Variants in LSAMP observed in about 807,000 individuals in gnomAD.
LSAMP encodes the protein limbic system-associated membrane protein.
LSAMP carries 7 observed loss-of-function variants against 38.6 expected under a neutral mutation model. The observed-to-expected ratio is 0.18, with a 90% CI of 0.10 to 0.34. LSAMP has a LOEUF of 0.34. Ranked by LOEUF, LSAMP falls within the 10% of genes least tolerant of loss-of-function variation. The probability of loss-of-function intolerance (pLI) is 1.00; values close to 1 mark genes in which losing one functional copy is unlikely to be tolerated. For synonymous variants in LSAMP, 154 were observed against 166.8 expected (o/e 0.92, Z 0.59); for missense variants, 313 against 420.0 (o/e 0.75, Z 2.23).
chr3:116,398,403 A>G (rs946848166), intron 1 of LSAMP, among the ~76,000 whole-genome samples: 2 of 152,230 alleles, frequency 1.3e-5, no homozygotes, highest in Admixed American at 1.3e-4. Context: ...TCCCCAGTCC[A>G]TAGGAGAGTA....
intron 1 of LSAMP, among the ~76,000 whole-genome samples, chr3:116,323,036 T>C (rs1185066912): frequency 6.6e-6 from 1 of 152,158 alleles, no homozygotes; most frequent in Non-Finnish European, 1.5e-5. Flanking sequence ...CAGGTTAAAA[T>C]CTGGTACTTG....
At chr3:116,162,694 C>A (rs7625990) in intron 1 of LSAMP, among the ~76,000 whole-genome samples, 48,160 of 131,424 alleles carry the variant, frequency 0.37, 8,506 homozygotes, top group African/African-American at 0.53. Context: ...CTCTCTCTCT[C>A]TATATATATA....
At chr3:115,994,032 G>T (rs1021921486) in intron 3 of LSAMP, among the ~76,000 whole-genome samples, 3 of 151,952 alleles carry the variant, frequency 2.0e-5, no homozygotes, top group Non-Finnish European at 4.4e-5. Flanking sequence ...AAGAAACTTT[G>T]GTGTTTGTTT....
chr3:116,132,247 A>G (rs1709150970), intron 1 of LSAMP, among the ~76,000 whole-genome samples: 1 of 152,112 alleles, frequency 6.6e-6, no homozygotes, highest in South Asian at 2.1e-4. Flanking sequence ...TCAAAAAAAA[A>G]AAAAAAGTCT....
intron 3 of LSAMP, among the ~76,000 whole-genome samples, chr3:115,945,153 G>T (rs573370851): frequency 6.6e-6 from 1 of 151,910 alleles, no homozygotes; most frequent in East Asian, 1.9e-4. Context: ...ATAAACTTTC[G>T]AATTACGGCT....
At position 116,071,443 on chromosome 3, in the gene LSAMP, C is replaced by A. The variant is rs184654617; in HGVS notation, c.388+14881G>T. On this transcript the variant is annotated intron_variant, in intron 2 of 6. Coordinates refer to ENST00000490035, the MANE Select transcript of LSAMP (RefSeq NM_002338.5). ...TAAATTTCTACCTGTAAAGCCAACA[C>A]CCTTCTCCCCAAAAAACTGTAAAAA... is the stretch of plus-strand genomic sequence containing the variant. 1.6e-3 allele frequency among the ~76,000 whole-genome samples: 250 copies of A among 151,710 alleles called. 3 individuals are homozygous for A. Among genetic ancestry groups the A allele is most frequent in the African/African-American group, 5.6e-3 (230 of 41,400 alleles).
intron 1 of LSAMP, among the ~76,000 whole-genome samples, chr3:116,339,631 A>G (rs2047966838): frequency 2.0e-5 from 3 of 151,950 alleles, no homozygotes; most frequent in African/African-American, 7.2e-5. Context: ...ATACTCGGTG[A>G]TTTCCAAGGC....
chr3:116,046,223 G>A (rs1351311430), intron 2 of LSAMP, among the ~76,000 whole-genome samples: 1 of 152,150 alleles, frequency 6.6e-6, no homozygotes, highest in Non-Finnish European at 1.5e-5. Flanking sequence ...TTGCCTTTGG[G>A]TTGAGGCAGC....
intron 1 of LSAMP, among the ~76,000 whole-genome samples, chr3:116,410,268 C>A: frequency 6.6e-6 from 1 of 151,886 alleles, no homozygotes; most frequent in East Asian, 1.9e-4. Context: ...GATTCTTGAC[C>A]TCACTAAATA....
At chr3:116,433,453 A>G (rs2049307954) in intron 1 of LSAMP, among the ~76,000 whole-genome samples, 1 of 152,180 alleles carries the variant, frequency 6.6e-6, no homozygotes, top group Admixed American at 6.5e-5. Context: ...TCACATAAAT[A>G]ATACCCTTGT....
intron 1 of LSAMP, among the ~76,000 whole-genome samples, chr3:116,287,437 A>G (rs2047209369): frequency 6.6e-6 from 1 of 152,180 alleles, no homozygotes; most frequent in Non-Finnish European, 1.5e-5. Context: ...GCTCTCATAC[A>G]GTAATGATGA....
chr3:116,431,170 C>G (rs1407600049), intron 1 of LSAMP, among the ~76,000 whole-genome samples: 1 of 151,822 alleles, frequency 6.6e-6, no homozygotes, highest in Non-Finnish European at 1.5e-5. Flanking sequence ...AGAGAGACCT[C>G]TATCACTATC....
At chr3:116,294,780 A>C (rs1326508882) in intron 1 of LSAMP, among the ~76,000 whole-genome samples, 1 of 152,214 alleles carries the variant, frequency 6.6e-6, no homozygotes, top group Non-Finnish European at 1.5e-5. Context: ...TTAACATGAA[A>C]TAACATAGGT....
intron 1 of LSAMP, among the ~76,000 whole-genome samples, chr3:116,381,536 C>G (rs184647794): frequency 1.3e-5 from 2 of 151,934 alleles, no homozygotes; most frequent in Non-Finnish European, 2.9e-5. Context: ...CTTAAAATGA[C>G]AAGAGAAAAA....
At chr3:115,844,843 G>T (rs1935104997) in intron 4 of LSAMP, among the ~76,000 whole-genome samples, 1 of 152,110 alleles carries the variant, frequency 6.6e-6, no homozygotes, top group Non-Finnish European at 1.5e-5. Flanking sequence ...CGGGTGTGGT[G>T]GTGTGTACCT....
intron 1 of LSAMP, among the ~76,000 whole-genome samples, chr3:116,183,691 C>T (rs1295192513): frequency 3.3e-5 from 5 of 151,842 alleles, no homozygotes; most frequent in African/African-American, 9.6e-5. Flanking sequence ...ATATAGGGGT[C>T]ATCTTTATAT....
rs113676277 is a variant in LSAMP, at chr3:116,167,080, T to C, written c.156-80524A>G. ...TGCTGGGATTACAGGCGTGAGCCGC[T>C]GCGCCTGGCCCTAAAATTTTTAATT... On this transcript the variant is annotated intron_variant, in intron 1 of 6. Coordinates refer to ENST00000490035, the MANE Select transcript of LSAMP (RefSeq NM_002338.5). Among the ~76,000 whole-genome samples, 1,137 of 152,232 alleles carry C rather than the reference T, an allele frequency of 7.5e-3. 9 individuals carry two copies. The highest frequency in any genetic ancestry group is 0.025 in the African/African-American group (1,025 of 41,558).
chr3:115,875,272 C>G (rs1936152556), intron 3 of LSAMP, among the ~76,000 whole-genome samples: 1 of 152,124 alleles, frequency 6.6e-6, no homozygotes, highest in Admixed American at 6.5e-5. Flanking sequence ...CAAATATATT[C>G]TTTAACTTCA....
rs778464726 is a variant in LSAMP, at chr3:116,349,922, T to C, written c.155+94955A>G. ...TTTTCTGAACATGTGCATATGTTTG[T>C]ATATTTTGTGTGAATATGGAAGGAA... On this transcript the variant is annotated intron_variant, in intron 1 of 6. Coordinates refer to ENST00000490035, the MANE Select transcript of LSAMP (RefSeq NM_002338.5). Among the ~76,000 whole-genome samples, 65 of 152,200 alleles carry C rather than the reference T, an allele frequency of 4.3e-4. 1 individual carries two copies. Among genetic ancestry groups the C allele is most frequent in the Non-Finnish European group, 9.0e-4 (61 of 67,948 alleles).
Sources: allele counts gnomAD v4.1 joint callset (sites outside exome capture counted in the v4.1 genomes callset), GRCh38; gene constraint gnomAD v4.1.1; transcripts MANE v1.5; gene names NCBI Gene and HGNC (gene_info 2026-07-23, HGNC 2026-07-21).